EPHB1: variants seen among roughly 807,000 people sequenced by gnomAD.
The protein encoded by EPHB1 is EPH receptor B1.
In EPHB1, 30 loss-of-function variants were observed where a neutral mutation model predicts 94.4. The ratio of observed to expected loss-of-function variants is 0.32; its 90% confidence interval spans 0.24 to 0.43. EPHB1 has a LOEUF of 0.43. Ranked by LOEUF, EPHB1 falls within the 20% of genes least tolerant of loss-of-function variation. The pLI is 1.00. For synonymous variants in EPHB1, 522 were observed against 489.1 expected (o/e 1.07, Z -0.89); for missense variants, 1,055 against 1,308.3 (o/e 0.81, Z 2.99).
At chr3:135,210,757 T>A (rs1943013395) in intron 12 of EPHB1, among the ~76,000 whole-genome samples, 1 of 152,312 alleles carries the variant, frequency 6.6e-6, no homozygotes, top group African/African-American at 2.4e-5. Flanking sequence ...CTCAGGACAC[T>A]GTGATTCCCT....
At chr3:134,996,520 C>T (rs574826119) in intron 3 of EPHB1, among the ~76,000 whole-genome samples, 16 of 152,234 alleles carry the variant, frequency 1.1e-4, no homozygotes, top group South Asian at 4.2e-4. Flanking sequence ...AAATCCAACA[C>T]GTAGAAGTTT....
chr3:135,013,337 C>T (rs377445045), intron 3 of EPHB1, among the ~76,000 whole-genome samples: 1 of 152,172 alleles, frequency 6.6e-6, no homozygotes, highest in East Asian at 1.9e-4. Context: ...CTGCAGTGCC[C>T]ACATCTCTCA....
intron 6 of EPHB1, among the ~76,000 whole-genome samples, chr3:135,158,260 T>C (rs1941412253): frequency 6.6e-6 from 1 of 152,214 alleles, no homozygotes. Context: ...TTTCTTCATC[T>C]TGTGCCATCT....
At chr3:135,183,858 A>T (rs9854187) in intron 10 of EPHB1, among the ~76,000 whole-genome samples, 1 of 152,130 alleles carries the variant, frequency 6.6e-6, no homozygotes, top group Non-Finnish European at 1.5e-5. Flanking sequence ...AGGCTGCTAT[A>T]TGAATTTTAT....
intron 3 of EPHB1, among the ~76,000 whole-genome samples, chr3:135,103,767 C>T (rs1247646012): frequency 1.3e-5 from 2 of 152,074 alleles, no homozygotes; most frequent in African/African-American, 4.8e-5. Flanking sequence ...CTCCTGGAAC[C>T]TCTCTCTTCA....
chr3:134,985,001 G>A (rs572949174), intron 3 of EPHB1, among the ~76,000 whole-genome samples: 7 of 152,296 alleles, frequency 4.6e-5, no homozygotes, highest in African/African-American at 1.7e-4. Context: ...CTGGGCCAGT[G>A]TGGACCAGCA....
intron 3 of EPHB1, among the ~76,000 whole-genome samples, chr3:135,041,260 A>AG (rs1213279489): frequency 2.0e-5 from 3 of 152,180 alleles, no homozygotes; most frequent in Non-Finnish European, 4.4e-5. Context: ...TCAACCCCCC[A>AG]GCCTTCCCCC....
intron 3 of EPHB1, among the ~76,000 whole-genome samples, chr3:135,086,239 C>T (rs559405671): frequency 6.6e-5 from 10 of 151,808 alleles, no homozygotes; most frequent in African/African-American, 2.4e-4. Flanking sequence ...ATCAGCCAGG[C>T]CCAACAGGAT....
intron 10 of EPHB1, among the ~76,000 whole-genome samples, chr3:135,182,102 C>A (rs1055405458): frequency 6.6e-6 from 1 of 152,200 alleles, no homozygotes; most frequent in African/African-American, 2.4e-5. Flanking sequence ...GACACTCCTG[C>A]AGGGAACCAA....
At chr3:135,220,273 T>C (rs1943245049) in intron 12 of EPHB1, among the ~76,000 whole-genome samples, 1 of 152,126 alleles carries the variant, frequency 6.6e-6, no homozygotes, top group Admixed American at 6.5e-5. Context: ...CTGCGGATGC[T>C]CACCCCGCAG....
chr3:135,204,881 C>CTTTTTTTTTTT (rs71624063), intron 12 of EPHB1, among the ~76,000 whole-genome samples: 2 of 73,916 alleles, frequency 2.7e-5, no homozygotes, highest in African/African-American at 1.2e-4. Flanking sequence ...AGGTTTTATT[C>CTTTTTTTTTTT]TTTTTTTTTT....
At chr3:135,010,279 C>T (rs548188466) in intron 3 of EPHB1, among the ~76,000 whole-genome samples, 2 of 152,240 alleles carry the variant, frequency 1.3e-5, no homozygotes, top group African/African-American at 4.8e-5. Flanking sequence ...TTTCCTACTT[C>T]CTCTCCTTCC....
rs779758566 is a variant in EPHB1 at position 135,217,458 on chromosome 3, ACACACACACG to A, written c.2346+15775_2346+15784del. On this transcript the variant is annotated intron_variant, in intron 12 of 15. Transcript: ENST00000398015. ...CACACACACACACACACACACACAC[ACACACACACG>A]CACACGGGGAGAGAGAGAGAGAGAG... Among the ~76,000 whole-genome samples the A allele has an allele frequency of 3.5e-3, 519 of 146,892 alleles. 2 individuals carry two copies. Among genetic ancestry groups the A allele is most frequent in the African/African-American group, 0.011 (435 of 38,254 alleles).
At chr3:134,824,646 G>A (rs543319168) in intron 1 of EPHB1, among the ~76,000 whole-genome samples, 1 of 152,306 alleles carries the variant, frequency 6.6e-6, no homozygotes, top group East Asian at 1.9e-4. Flanking sequence ...AAATGTGGCA[G>A]AGGTGATGGT....
intron 1 of EPHB1, among the ~76,000 whole-genome samples, chr3:134,810,421 C>T (rs1401107647): frequency 6.6e-6 from 1 of 152,058 alleles, no homozygotes; most frequent in African/African-American, 2.4e-5. Flanking sequence ...CCTCCACCAC[C>T]AGGGCTCACT....
chr3:134,983,952 C>T (rs1934505736), intron 3 of EPHB1, among the ~76,000 whole-genome samples: 1 of 152,204 alleles, frequency 6.6e-6, no homozygotes, highest in Non-Finnish European at 1.5e-5. Context: ...CACCCTCCTC[C>T]ACCTTCCTAG....
At chr3:134,822,614 C>T (rs1008505041) in intron 1 of EPHB1, among the ~76,000 whole-genome samples, 2 of 152,174 alleles carry the variant, frequency 1.3e-5, no homozygotes, top group Admixed American at 6.5e-5. Context: ...AAGACCACTC[C>T]AAGCCCTCCC....
chr3:134,938,398 T>C (rs570558231), intron 2 of EPHB1, among the ~76,000 whole-genome samples: 1 of 152,308 alleles, frequency 6.6e-6, no homozygotes, highest in South Asian at 2.1e-4. Flanking sequence ...GTGTGTGCCC[T>C]TCAGAGCTCG....
At chr3:134,801,787 TG>T (rs1318005197) in intron 1 of EPHB1, among the ~76,000 whole-genome samples, 3 of 152,030 alleles carry the variant, frequency 2.0e-5, no homozygotes, top group African/African-American at 7.3e-5. Context: ...TATGCTTGGG[TG>T]GGGGGCATTG....
Sources: gnomAD v4.1 joint callset for allele counts (sites outside exome capture counted in the v4.1 genomes callset) on GRCh38, gnomAD v4.1.1 for gene constraint, MANE v1.5 for transcripts, NCBI Gene and HGNC (gene_info 2026-07-23, HGNC 2026-07-21) for gene names.